RGS6: variants seen among roughly 807,000 people sequenced by gnomAD.
RGS6 encodes the protein regulator of G-protein signaling 6.
In RGS6, 30 loss-of-function variants were observed where a neutral mutation model predicts 78.5. That is an observed-to-expected ratio of 0.38 (90% CI 0.29 to 0.52). The LOEUF is 0.52. Ranked by LOEUF, RGS6 falls within the 20% of genes least tolerant of loss-of-function variation. The probability of loss-of-function intolerance (pLI) is 0.85; values close to 1 mark genes in which losing one functional copy is unlikely to be tolerated. For missense variants in RGS6, 495 were observed against 609.7 expected, an observed-to-expected ratio of 0.81 and a Z score of 1.98; for synonymous variants, 206 against 206.0, an observed-to-expected ratio of 1.00 and a Z score of 0.00.
intron 9 of RGS6, 116 bp from the exon 10 acceptor site, chr14:72,474,509 T>C: frequency 1.1e-6 from 1 of 900,292 alleles, no homozygotes; most frequent in South Asian, 1.7e-5. Flanking sequence ...GAAAAAAAAA[T>C]CATGCATTGT....
intron 2 of RGS6, among the ~76,000 whole-genome samples, chr14:72,176,338 C>A (rs1191520914): frequency 1.3e-5 from 2 of 152,136 alleles, no homozygotes; most frequent in African/African-American, 4.8e-5. Context: ...TTTAGGGGGT[C>A]TCTACAGAAA....
intron 2 of RGS6, among the ~76,000 whole-genome samples, chr14:72,287,087 AT>A (rs2062707936): frequency 1.3e-5 from 2 of 152,258 alleles, no homozygotes; most frequent in Admixed American, 1.3e-4. Context: ...CCTGACCAGG[AT>A]TGTTTTCTTA....
At chr14:72,372,266 C>A (rs1475226480) in intron 3 of RGS6, among the ~76,000 whole-genome samples, 1 of 152,168 alleles carries the variant, frequency 6.6e-6, no homozygotes, top group East Asian at 1.9e-4. Flanking sequence ...AACACGTTGA[C>A]TTTAATAAGG....
At chr14:72,298,214 A>G (rs759955657) in intron 2 of RGS6, among the ~76,000 whole-genome samples, 5 of 151,856 alleles carry the variant, frequency 3.3e-5, no homozygotes, top group African/African-American at 9.7e-5. Flanking sequence ...TTCTGCATCT[A>G]TTTAGATGGC....
chr14:72,580,172 C>T, the RGS6 span, among the ~76,000 whole-genome samples: 16 of 152,272 alleles, frequency 1.1e-4, no homozygotes, highest in East Asian at 1.4e-3. Flanking sequence ...GTATGACAGA[C>T]GCAAATTCCT....
intron 2 of RGS6, among the ~76,000 whole-genome samples, chr14:71,994,096 T>A (rs182253262): frequency 3.9e-4 from 59 of 152,088 alleles, no homozygotes; most frequent in Non-Finnish European, 7.5e-4. Flanking sequence ...ATGACTGCAT[T>A]ATACATACCC....
rs2097699450 is a variant in RGS6, at chr14:72,564,183, T to G, written c.*1716T>G. ...CATCGCGGGCATTAGGAGTCTTCGT[T>G]ATGTTGTATCCTTGTGAGTTCTTGA... On this transcript the variant is annotated 3_prime_UTR_variant, in exon 18 of 18. Transcript: ENST00000553525. The G allele has an allele frequency of 6.6e-6, 1 of 152,234 alleles. No homozygotes were observed. Among genetic ancestry groups the G allele is most frequent in the African/African-American group, 2.4e-5 (1 of 41,442 alleles). 9.4% of individuals were successfully genotyped at this position (152,234 alleles called of 1,614,324 possible). A position where few individuals can be genotyped will look rare whatever the true frequency, so the allele number is the denominator to read the frequency against.
chr14:72,609,671 G>A, the RGS6 span, among the ~76,000 whole-genome samples: 1 of 152,198 alleles, frequency 6.6e-6, no homozygotes, highest in African/African-American at 2.4e-5. Flanking sequence ...CACCTACAGA[G>A]ACCGCAACCA....
chr14:72,036,709 A>G (rs1480128993), intron 2 of RGS6, among the ~76,000 whole-genome samples: 1 of 152,048 alleles, frequency 6.6e-6, no homozygotes, highest in African/African-American at 2.4e-5. Context: ...AGTCCTTAAT[A>G]TATTCTGAGT....
chr14:72,103,966 T>G (rs1597616335), intron 2 of RGS6, among the ~76,000 whole-genome samples: 1 of 152,254 alleles, frequency 6.6e-6, no homozygotes, highest in East Asian at 1.9e-4. Context: ...GGTGAAGCTC[T>G]TAGAATGCCT....
chr14:72,408,625 T>C (rs1222785208), intron 3 of RGS6, among the ~76,000 whole-genome samples: 1 of 152,234 alleles, frequency 6.6e-6, no homozygotes. Flanking sequence ...GACTTTTTTA[T>C]AGACCAAGAG....
intron 2 of RGS6, among the ~76,000 whole-genome samples, chr14:72,066,634 GTTAT>G (rs2094160931): frequency 6.6e-6 from 1 of 151,198 alleles, no homozygotes; most frequent in Admixed American, 6.6e-5. Flanking sequence ...TTAGGTCAGT[GTTAT>G]TTTGTCTTGA....
the RGS6 span, among the ~76,000 whole-genome samples, chr14:72,622,873 G>T: frequency 6.6e-6 from 1 of 152,030 alleles, no homozygotes; most frequent in African/African-American, 2.4e-5. Context: ...CTCCTCAAAG[G>T]CTCTGCCAAG....
chr14:72,504,652 C>T (rs2096772477), intron 13 of RGS6, among the ~76,000 whole-genome samples: 1 of 152,092 alleles, frequency 6.6e-6, no homozygotes, highest in Non-Finnish European at 1.5e-5. Flanking sequence ...TCTTTACTTT[C>T]TGAGCCCTCG....
chr14:72,562,600 G>A lies in RGS6; in HGVS notation c.*133G>A, dbSNP rs942046349. 37 of 1,537,248 alleles carry A rather than the reference G, an allele frequency of 2.4e-5. No homozygotes were observed. Among genetic ancestry groups the A allele is most frequent in the African/African-American group, 2.1e-4 (15 of 73,058 alleles). On this transcript the variant is annotated 3_prime_UTR_variant, in exon 18 of 18. Coordinates refer to ENST00000553525, the MANE Select transcript of RGS6 (RefSeq NM_001204424.2). ...AAGGAGAAAGAGTGAGGGCAATGAA[G>A]GGCGATGGTGGGGAGACTCGGTGGG... is the stretch of plus-strand genomic sequence containing the variant.
chr14:72,373,699 T>G (rs1183300128), intron 3 of RGS6, among the ~76,000 whole-genome samples: 6 of 152,088 alleles, frequency 3.9e-5, no homozygotes, highest in African/African-American at 1.2e-4. Context: ...TATTAATAGG[T>G]GAAAGACAGG....
At chr14:72,551,859 G>T (rs1555470216) in intron 17 of RGS6, among the ~76,000 whole-genome samples, 1 of 152,230 alleles carries the variant, frequency 6.6e-6, no homozygotes, top group Non-Finnish European at 1.5e-5. Context: ...CCATCACTTA[G>T]TTGTTTGAAT....
chr14:72,295,648 T>TTA (rs888745791), intron 2 of RGS6, among the ~76,000 whole-genome samples: 101 of 152,358 alleles, frequency 6.6e-4, no homozygotes, highest in African/African-American at 2.4e-3. Flanking sequence ...CTTTGGTTGC[T>TTA]TATATATATT....
intron 2 of RGS6, among the ~76,000 whole-genome samples, chr14:72,261,319 G>A (rs2058112704): frequency 6.6e-6 from 1 of 152,166 alleles, no homozygotes; most frequent in South Asian, 2.1e-4. Flanking sequence ...AGTGATGGAG[G>A]AGAGAATGAA....
Sources: allele counts gnomAD v4.1 joint callset (sites outside exome capture counted in the v4.1 genomes callset), GRCh38; gene constraint gnomAD v4.1.1; transcripts MANE v1.5; gene names NCBI Gene and HGNC (gene_info 2026-07-23, HGNC 2026-07-21).